TANC2: variants seen among roughly 807,000 people sequenced by gnomAD.
TANC2 encodes the protein protein TANC2.
Under a neutral mutation model 210.5 loss-of-function variants are expected in TANC2, and 26 were observed. That is an observed-to-expected ratio of 0.12 (90% CI 0.09 to 0.17). The LOEUF (loss-of-function observed/expected upper bound fraction) is 0.17, where lower values mean the gene tolerates loss of function less well. Ranked by LOEUF, TANC2 falls within the 10% of genes least tolerant of loss-of-function variation. The probability of loss-of-function intolerance (pLI) is 1.00; values close to 1 mark genes in which losing one functional copy is unlikely to be tolerated. For missense variants in TANC2, 2,129 were observed against 2,608.9 expected (o/e 0.82, Z 4.01); for synonymous variants, 931 against 967.1 (o/e 0.96, Z 0.69).
At chr17:63,028,674 A>G (rs1453748279) in intron 2 of TANC2, among the ~76,000 whole-genome samples, 1 of 152,152 alleles carries the variant, frequency 6.6e-6, no homozygotes, top group Non-Finnish European at 1.5e-5. Flanking sequence ...AAGGAAAGTC[A>G]GAGTGCCCTT....
intron 7 of TANC2, among the ~76,000 whole-genome samples, chr17:63,212,727 C>T (rs1170684282): frequency 1.3e-5 from 2 of 152,156 alleles, no homozygotes; most frequent in Non-Finnish European, 2.9e-5. Context: ...CCACCGTGCC[C>T]GACCCTCTTT....
At chr17:62,988,616 T>G (rs2032698520) in intron 1 of TANC2, among the ~76,000 whole-genome samples, 1 of 152,194 alleles carries the variant, frequency 6.6e-6, no homozygotes, top group South Asian at 2.1e-4. Flanking sequence ...GATCATGTAT[T>G]AAGGCATGGT....
intron 2 of TANC2, among the ~76,000 whole-genome samples, chr17:63,020,443 G>A (rs976566705): frequency 6.6e-6 from 1 of 151,884 alleles, no homozygotes; most frequent in Admixed American, 6.5e-5. Flanking sequence ...AGCTGGGACT[G>A]CAGGCACACG....
intron 19 of TANC2, among the ~76,000 whole-genome samples, chr17:63,402,411 T>C (rs566256417): frequency 6.6e-6 from 1 of 152,340 alleles, no homozygotes; most frequent in South Asian, 2.1e-4. Flanking sequence ...GTGTCTGACA[T>C]ATAGCTCAAT....
intron 2 of TANC2, among the ~76,000 whole-genome samples, chr17:63,072,389 A>G (rs927925990): frequency 3.9e-5 from 6 of 152,250 alleles, no homozygotes; most frequent in South Asian, 2.1e-4. Context: ...CAGAGATGAT[A>G]ATCCATGAGT....
chr17:63,188,527 A>C (rs2041073145), intron 5 of TANC2, among the ~76,000 whole-genome samples: 2 of 144,632 alleles, frequency 1.4e-5, no homozygotes, highest in African/African-American at 5.1e-5. Flanking sequence ...CAGGAGGCGG[A>C]GGTTGCAGTG....
intron 8 of TANC2, 55 bp downstream of exon 8, chr17:63,238,132 C>T: frequency 6.8e-7 from 1 of 1,460,148 alleles, no homozygotes; most frequent in South Asian, 1.5e-5. Flanking sequence ...CATTTTACTC[C>T]AGTATATATT....
At chr17:63,136,404 T>G (rs545077343) in intron 4 of TANC2, among the ~76,000 whole-genome samples, 22 of 152,314 alleles carry the variant, frequency 1.4e-4, no homozygotes, top group African/African-American at 5.1e-4. Context: ...GGATACAGCT[T>G]GGAATCCCCA....
At position 63,373,760 on chromosome 17, in the gene TANC2, A is replaced by G. The variant is rs558751939; in HGVS notation, c.2583-5958A>G. On this transcript the variant is annotated intron_variant, in intron 14 of 27. Transcript: ENST00000689528. ...GTTTGGGAGGCCAAGCCGGGCAGAT[A>G]ACCTGAGGTCAGGAGTTCAAGGCCA... is the stretch of plus-strand genomic sequence containing the variant. Among the ~76,000 whole-genome samples, 18 of 152,280 alleles carry G rather than the reference A, an allele frequency of 1.2e-4. No individual in the cohort carries two copies. In the East Asian group the frequency reaches 2.1e-3, roughly 18 times the overall value.
At chr17:63,005,295 C>G (rs1296241233) in intron 1 of TANC2, 1 of 151,982 alleles carries the variant, frequency 6.6e-6, no homozygotes, top group Non-Finnish European at 1.5e-5. Context: ...TTCTGTTGAT[C>G]TACTTGTTAG....
intron 3 of TANC2, among the ~76,000 whole-genome samples, chr17:63,095,131 A>C (rs558465124): frequency 3.4e-4 from 52 of 151,954 alleles, no homozygotes; most frequent in Non-Finnish European, 5.7e-4. Context: ...TGGCTCCATG[A>C]GTTCCTTGGG....
intron 1 of TANC2, among the ~76,000 whole-genome samples, chr17:63,005,582 A>G (rs1157830244): frequency 6.6e-6 from 1 of 151,976 alleles, no homozygotes; most frequent in Non-Finnish European, 1.5e-5. Context: ...CAATCCATGA[A>G]CATGGCTTAT....
chr17:63,031,972 A>G (rs765146489), intron 2 of TANC2, among the ~76,000 whole-genome samples: 6 of 152,164 alleles, frequency 3.9e-5, no homozygotes, highest in Non-Finnish European at 8.8e-5. Context: ...AGGATGTTTC[A>G]GGCACAGAGT....
At chr17:63,243,549 A>G (rs1250600886) in intron 8 of TANC2, among the ~76,000 whole-genome samples, 3 of 152,248 alleles carry the variant, frequency 2.0e-5, no homozygotes, top group Non-Finnish European at 4.4e-5. Context: ...TATTTCACAG[A>G]TGTGATATTG....
chr17:63,294,350 G>T (rs545046179), intron 9 of TANC2, among the ~76,000 whole-genome samples: 1 of 152,190 alleles, frequency 6.6e-6, no homozygotes, highest in Admixed American at 6.5e-5. Flanking sequence ...GGTGGCATGT[G>T]CCTGTGTCCC....
At chr17:63,314,246 C>T (rs1209428339) in intron 9 of TANC2, 142 bp from the exon 10 acceptor site, 5 of 839,894 alleles carry the variant, frequency 6.0e-6, no homozygotes, top group African/African-American at 3.4e-5. Context: ...AATCAACATT[C>T]GCAGTTGCAT....
chr17:63,186,603 G>T (rs2447445), intron 5 of TANC2, among the ~76,000 whole-genome samples: 5 of 151,718 alleles, frequency 3.3e-5, no homozygotes, highest in South Asian at 2.1e-4. Context: ...TCCACCCCCC[G>T]CTTCAGCCTC....
chr17:63,377,108 A>C (rs1011912168), intron 14 of TANC2, among the ~76,000 whole-genome samples: 2 of 152,172 alleles, frequency 1.3e-5, no homozygotes, highest in Non-Finnish European at 2.9e-5. Context: ...GATTGCACAA[A>C]GCAGCAAGGC....
At chr17:63,195,262 A>T (rs1313333112) in intron 6 of TANC2, among the ~76,000 whole-genome samples, 1 of 151,980 alleles carries the variant, frequency 6.6e-6, no homozygotes, top group African/African-American at 2.4e-5. Context: ...CCCACATTAT[A>T]TTTTCTACCT....
Sources: gnomAD v4.1 joint callset for allele counts (sites outside exome capture counted in the v4.1 genomes callset) on GRCh38, gnomAD v4.1.1 for gene constraint, MANE v1.5 for transcripts, NCBI Gene and HGNC (gene_info 2026-07-23, HGNC 2026-07-21) for gene names.